Variants in DNAI7 observed in about 807,000 individuals in gnomAD.
DNAI7 encodes cancer susceptibility 1.
In DNAI7, 78 loss-of-function variants were observed where a neutral mutation model predicts 86.6. The observed-to-expected ratio is 0.90, with a 90% CI of 0.75 to 1.09. The LOEUF (loss-of-function observed/expected upper bound fraction) is 1.09. Ranked by LOEUF, DNAI7 falls within the 50% of genes least tolerant of loss-of-function variation. The pLI is 0.00. For synonymous variants in DNAI7, 274 were observed against 273.0 expected, an observed-to-expected ratio of 1.00 and a Z score of -0.04; for missense variants, 753 against 810.2, an observed-to-expected ratio of 0.93 and a Z score of 0.86.
In DNAI7 at chr12:25,117,885, G is replaced by A. The variant is rs143587166; in HGVS notation, c.1396+1260C>T. 3.3e-4 allele frequency among the ~76,000 whole-genome samples: 50 copies of A among 150,810 alleles called. No individual in the cohort carries two copies. In the East Asian group the frequency reaches 7.8e-3, roughly 23 times the overall value. On this transcript the variant is annotated intron_variant, in intron 12 of 15. Transcript: ENST00000395987. The stretch of plus-strand genomic sequence containing the variant: ...CAAACTATTTGGTTATTTCAGAAGA[G>A]TAGACTTTTTATCTGTTTTTGATTT...
intron 9 of DNAI7, among the ~76,000 whole-genome samples, chr12:25,131,847 G>A (rs1942967239): frequency 6.6e-6 from 1 of 151,950 alleles, no homozygotes; most frequent in South Asian, 2.1e-4. Flanking sequence ...CCCTTATCAT[G>A]AGCTCTATGC....
At chr12:25,112,526 C>T (rs909814420) in intron 13 of DNAI7, among the ~76,000 whole-genome samples, 2 of 150,694 alleles carry the variant, frequency 1.3e-5, no homozygotes, top group African/African-American at 2.5e-5. Context: ...CCTGCTTCAG[C>T]CTCCCTAGTA....
intron 7 of DNAI7, among the ~76,000 whole-genome samples, chr12:25,148,664 G>C (rs1483296676): frequency 6.6e-6 from 1 of 152,102 alleles, no homozygotes; most frequent in Admixed American, 6.5e-5. Context: ...TGTTTCTGAA[G>C]TATCACTATA....
In DNAI7 at chr12:25,111,894, G is replaced by A; in HGVS notation, c.1657C>T (p.His553Tyr). The A allele has an allele frequency of 1.2e-6, 2 of 1,602,926 alleles. No homozygotes were observed. The highest frequency in any genetic ancestry group is 1.3e-5 in the African/African-American group (1 of 74,494). The change falls in exon 14 of 16, where the codon CAC becomes TAC. Residue 553 changes from histidine to tyrosine, a missense_variant. By Grantham distance (83) the His-to-Tyr change is moderately conservative. Transcript: ENST00000395987. ...LSSIKLKDKKHISILEGTWMT... is the reference protein window; with the variant it reads ...LSSIKLKDKKYISILEGTWMT... ...CAGGTTCCTTCCAAAATAGAGATGT[G>A]TTTCTTGTCTTTTAGTTTGATTGAA...
intron 2 of DNAI7, among the ~76,000 whole-genome samples, chr12:25,179,474 G>T (rs762975405): frequency 1.3e-5 from 2 of 151,990 alleles, no homozygotes; most frequent in Non-Finnish European, 2.9e-5. Context: ...TATGATTGTG[G>T]ATGTGTCTAT....
At chr12:25,155,525 A>G in intron 4 of DNAI7, 113 bp from the exon 5 acceptor site, 2 of 517,190 alleles carry the variant, frequency 3.9e-6, no homozygotes. Flanking sequence ...CAAAATGAAT[A>G]TTAAAATTAG....
intron 9 of DNAI7, among the ~76,000 whole-genome samples, chr12:25,139,684 A>G (rs1353061456): frequency 3.9e-5 from 6 of 152,082 alleles, no homozygotes; most frequent in Non-Finnish European, 8.8e-5. Flanking sequence ...AACATCACAC[A>G]CTGGGGCCTG....
intron 2 of DNAI7, among the ~76,000 whole-genome samples, chr12:25,174,372 T>TATATATATGATATA (rs1491148819): frequency 0.029 from 178 of 6,070 alleles, 75 homozygotes; most frequent in African/African-American, 0.18. Flanking sequence ...CATATATATG[T>TATATATATGATATA]TATATCATAT....
At chr12:25,113,518 T>C (rs1592181987) in intron 13 of DNAI7, among the ~76,000 whole-genome samples, 1 of 151,982 alleles carries the variant, frequency 6.6e-6, no homozygotes, top group Non-Finnish European at 1.5e-5. Context: ...GCCAGGCTGG[T>C]CTCAAACTCC....
chr12:25,121,626 T>G, intron 11 of DNAI7, 127 bp downstream of exon 11: 3 of 719,470 alleles, frequency 4.2e-6, no homozygotes, highest in Non-Finnish European at 6.6e-6. Flanking sequence ...TTTAAGACAG[T>G]TTAAAATTAC....
intron 2 of DNAI7, among the ~76,000 whole-genome samples, chr12:25,163,713 C>T (rs1283947055): frequency 6.6e-6 from 1 of 152,184 alleles, no homozygotes; most frequent in East Asian, 1.9e-4. Flanking sequence ...GATTCACCTA[C>T]GACCTCTGGT....
At chr12:25,182,606 A>ACACACACACG (rs1491310188) in intron 2 of DNAI7, among the ~76,000 whole-genome samples, 1 of 116 alleles carries the variant, frequency 8.6e-3, no homozygotes, top group Non-Finnish European at 0.022. Context: ...GAGACTGTCT[A>ACACACACACG]CACACACACA....
intron 2 of DNAI7, among the ~76,000 whole-genome samples, chr12:25,168,535 G>T (rs1452604203): frequency 1.3e-5 from 2 of 152,082 alleles, no homozygotes; most frequent in African/African-American, 2.4e-5. Context: ...AGTCCTCCAG[G>T]CCCAAGTTGA....
intron 7 of DNAI7, among the ~76,000 whole-genome samples, chr12:25,147,482 C>CCCA (rs1555170141): frequency 6.6e-6 from 1 of 150,524 alleles, no homozygotes; most frequent in East Asian, 1.9e-4. Context: ...TGAGACCACC[C>CCCA]CCATCTCTAC....
chr12:25,179,833 A>G (rs1232672340), intron 2 of DNAI7, among the ~76,000 whole-genome samples: 11 of 152,330 alleles, frequency 7.2e-5, no homozygotes, highest in African/African-American at 2.4e-4. Context: ...CACAGCCAAC[A>G]TCATACTGAA....
At chr12:25,115,199 C>A (rs1447118562) in intron 12 of DNAI7, among the ~76,000 whole-genome samples, 2 of 152,234 alleles carry the variant, frequency 1.3e-5, no homozygotes, top group Non-Finnish European at 2.9e-5. Context: ...TGGGCCTCAG[C>A]ACATACAGTT....
At chr12:25,161,757 G>A (rs190487052) in intron 2 of DNAI7, among the ~76,000 whole-genome samples, 134 of 152,304 alleles carry the variant, frequency 8.8e-4, no homozygotes, top group Middle Eastern at 3.4e-3. Flanking sequence ...GCAGGTACAA[G>A]ATAGGGGATT....
At chr12:25,146,515 G>A (rs912260508) in intron 8 of DNAI7, among the ~76,000 whole-genome samples, 9 of 150,268 alleles carry the variant, frequency 6.0e-5, no homozygotes, top group African/African-American at 9.7e-5. Flanking sequence ...ACAAAGAATC[G>A]CTTGAACCTA....
chr12:25,154,390 T>C lies in DNAI7; in HGVS notation c.367A>G (p.Ile123Val), dbSNP rs1945910849. The change falls in exon 6 of 16, where the codon ATT (isoleucine) becomes GTT (valine). Residue 123 changes from isoleucine to valine, a missense_variant. By Grantham distance (29) the Ile-to-Val change is conservative. Coordinates refer to ENST00000395987, the MANE Select transcript of DNAI7 (RefSeq NM_018272.5). ...TTTGTTTTCTCTTTCCACAAACTAA[T>C]AAACGTGTTCATTTCTTGGGCTACT... Reference protein sequence around the residue: ...PSVAQEMNTFISLWKEKTNET... With the variant: ...PSVAQEMNTFVSLWKEKTNET... The C allele has an allele frequency of 6.2e-7, 1 of 1,612,018 alleles. No homozygotes were observed. Among genetic ancestry groups the C allele is most frequent in the African/African-American group, 1.3e-5 (1 of 74,888 alleles).
Sources: gnomAD v4.1 joint callset for allele counts (sites outside exome capture counted in the v4.1 genomes callset) on GRCh38, gnomAD v4.1.1 for gene constraint, MANE v1.5 for transcripts, NCBI Gene and HGNC (gene_info 2026-07-23, HGNC 2026-07-21) for gene names.